Variants in ETV1 observed in about 807,000 individuals in gnomAD.
The protein encoded by ETV1 is ETS translocation variant 1.
Under a neutral mutation model 62.3 loss-of-function variants are expected in ETV1, and 27 were observed. The ratio of observed to expected loss-of-function variants is 0.43; its 90% confidence interval spans 0.32 to 0.60. The LOEUF (loss-of-function observed/expected upper bound fraction) is 0.60, where lower values mean the gene tolerates loss of function less well. Among genes scored for constraint, ETV1 ranks in the 20% least tolerant of loss-of-function variants. The pLI, the probability that ETV1 is intolerant of heterozygous loss-of-function variation, is 0.06. For missense variants in ETV1, 605 were observed against 605.8 expected (o/e 1.00, Z 0.01); for synonymous variants, 222 against 199.6 (o/e 1.11, Z -0.94).
chr7:13,966,205 G>T (rs1258032354), intron 6 of ETV1, among the ~76,000 whole-genome samples: 2 of 152,128 alleles, frequency 1.3e-5, no homozygotes, highest in East Asian at 3.9e-4. Context: ...AAAGTCCAAA[G>T]ATATTCTTGT....
chr7:13,975,139 C>A (rs1781295629), intron 6 of ETV1: 1 of 152,222 alleles, frequency 6.6e-6, no homozygotes, highest in Non-Finnish European at 1.5e-5. Context: ...TTTCCTCAGT[C>A]CCACTAACCA....
chr7:13,983,617 C>T lies in ETV1; in HGVS notation c.181+3021G>A, dbSNP rs556047005. ...CAACATTTTAAAATTGGCATATTCCCTGACTTTTTTTTTTTTTAACTACTG... is the reference window on the plus strand; with the variant it reads ...CAACATTTTAAAATTGGCATATTCCTTGACTTTTTTTTTTTTTAACTACTG... On this transcript the variant is annotated intron_variant, in intron 5 of 13. Coordinates refer to ENST00000430479, the MANE Select transcript of ETV1 (RefSeq NM_004956.5). 7.2e-3 allele frequency among the ~76,000 whole-genome samples: 822 copies of T among 114,384 alleles called. 8 individuals are homozygous for T. Among genetic ancestry groups the T allele is most frequent in the African/African-American group, 0.027 (776 of 28,700 alleles). The allele number at this position is 114,384 out of a possible 152,430, so 75.0% of individuals were successfully genotyped here.
At chr7:13,988,443 T>A in intron 3 of ETV1, 1 of 586,468 alleles carries the variant, frequency 1.7e-6, no homozygotes, top group Non-Finnish European at 2.9e-6. Flanking sequence ...TCATGGTATC[T>A]CAGCATCAAA....
intron 6 of ETV1, among the ~76,000 whole-genome samples, chr7:13,943,213 C>T (rs992525038): frequency 1.3e-5 from 2 of 152,092 alleles, no homozygotes; most frequent in African/African-American, 4.8e-5. Flanking sequence ...GATGGCAAAA[C>T]AAATCGGAAC....
intron 5 of ETV1, among the ~76,000 whole-genome samples, chr7:13,983,443 CATG>C (rs1782200585): frequency 6.6e-6 from 1 of 151,794 alleles, no homozygotes; most frequent in Non-Finnish European, 1.5e-5. Context: ...AAGACATCAC[CATG>C]ATGTTGATAG....
Position 13,939,324 on chromosome 7 carries a change from G to A in ETV1, c.236-78C>T, listed in dbSNP as rs559831556. ...GAGATTAATGTGTTCTACTTCTCTTGTTAAAAAGGTCATTCACATTTCATA... is the reference window on the plus strand; with the variant it reads ...GAGATTAATGTGTTCTACTTCTCTTATTAAAAAGGTCATTCACATTTCATA... On this transcript the variant is annotated intron_variant, in intron 6 of 13. Coordinates refer to ENST00000430479, the MANE Select transcript of ETV1 (RefSeq NM_004956.5). 90 of 1,236,112 alleles carry A rather than the reference G, an allele frequency of 7.3e-5. No individual in the cohort carries two copies. The African/African-American group carries it at 1.3e-3, about 18-fold the overall frequency. 76.6% of individuals were successfully genotyped at this position (1,236,112 alleles called of 1,614,324 possible). A position where few individuals can be genotyped will look rare whatever the true frequency, so the allele number is the denominator to read the frequency against.
intron 9 of ETV1, among the ~76,000 whole-genome samples, chr7:13,913,750 T>C (rs1410215669): frequency 6.6e-6 from 1 of 152,164 alleles, no homozygotes; most frequent in African/African-American, 2.4e-5. Flanking sequence ...TTAGTGTATC[T>C]ATTTTGGAAT....
chr7:13,940,418 T>C (rs1274967001), intron 6 of ETV1, among the ~76,000 whole-genome samples: 5 of 151,888 alleles, frequency 3.3e-5, no homozygotes, highest in African/African-American at 1.2e-4. Flanking sequence ...TTTTTTATTC[T>C]TCGATATGAA....
At chr7:13,911,496 G>C (rs1783565554) in intron 9 of ETV1, among the ~76,000 whole-genome samples, 189 bp from the exon 10 acceptor site, 1 of 152,102 alleles carries the variant, frequency 6.6e-6, no homozygotes, top group Admixed American at 6.5e-5. Flanking sequence ...TATATATCTT[G>C]GTGAATGCTG....
chr7:13,960,218 C>A (rs1202913624), intron 6 of ETV1, among the ~76,000 whole-genome samples: 2 of 152,134 alleles, frequency 1.3e-5, no homozygotes, highest in Non-Finnish European at 2.9e-5. Flanking sequence ...ACATCACAAA[C>A]CAACTCTTTC....
intron 12 of ETV1, among the ~76,000 whole-genome samples, chr7:13,904,388 A>C (rs187527876): frequency 6.6e-6 from 1 of 152,312 alleles, no homozygotes; most frequent in Admixed American, 6.5e-5. Context: ...GAACAGATGT[A>C]ATTCTACTTC....
chr7:13,936,454 A>T (rs1267805598), intron 7 of ETV1, among the ~76,000 whole-genome samples: 1 of 152,180 alleles, frequency 6.6e-6, no homozygotes, highest in Non-Finnish European at 1.5e-5. Context: ...CCCACATGGG[A>T]TAATGAAGAT....
intron 9 of ETV1, among the ~76,000 whole-genome samples, chr7:13,917,288 GTATTTATTTATT>G (rs71548060): frequency 0.034 from 4,875 of 145,236 alleles, 100 homozygotes; most frequent in Admixed American, 0.046. Flanking sequence ...GTAACTTTGA[GTATTTATTTATT>G]TATTTATTTA....
intron 5 of ETV1, among the ~76,000 whole-genome samples, chr7:13,979,601 T>C (rs974693560): frequency 6.6e-6 from 1 of 152,088 alleles, no homozygotes; most frequent in African/African-American, 2.4e-5. Context: ...ATCCTGCACA[T>C]TTTTCCCATT....
chr7:13,896,395 G>GA (rs1430607443), intron 13 of ETV1, among the ~76,000 whole-genome samples: 1 of 151,924 alleles, frequency 6.6e-6, no homozygotes, highest in Non-Finnish European at 1.5e-5. Flanking sequence ...TCGTTGTTTT[G>GA]AAAAAAAGTC....
At chr7:13,989,817 G>A (rs1782884757), upstream of ETV1, 1 of 387,302 alleles carries the variant, frequency 2.6e-6, no homozygotes, top group Non-Finnish European at 4.6e-6. Context: ...CCCTTCCCGC[G>A]GGTCTCCCTC....
intron 6 of ETV1, among the ~76,000 whole-genome samples, chr7:13,947,030 C>T (rs954018957): frequency 5.3e-5 from 8 of 152,160 alleles, no homozygotes; most frequent in South Asian, 2.1e-4. Flanking sequence ...ACCGCCTCGG[C>T]CTCCCAAAGT....
At chr7:13,949,508 G>A (rs964781542) in intron 6 of ETV1, among the ~76,000 whole-genome samples, 2 of 152,060 alleles carry the variant, frequency 1.3e-5, no homozygotes, top group Non-Finnish European at 2.9e-5. Context: ...TGCATCTGAG[G>A]CTCTCAAAGA....
At chr7:13,985,002 AAC>A (rs1158122736) in intron 5 of ETV1, among the ~76,000 whole-genome samples, 1 of 152,030 alleles carries the variant, frequency 6.6e-6, no homozygotes, top group Admixed American at 6.6e-5. Flanking sequence ...AAATTCCAGG[AAC>A]AGAGTTGCTA....
Sources: allele counts gnomAD v4.1 joint callset (sites outside exome capture counted in the v4.1 genomes callset), GRCh38; gene constraint gnomAD v4.1.1; transcripts MANE v1.5; gene names NCBI Gene and HGNC (gene_info 2026-07-23, HGNC 2026-07-21).